Variants in SCAI observed in about 807,000 individuals in gnomAD.
SCAI encodes the protein protein SCAI.
A neutral mutation model predicts 92.2 loss-of-function variants in SCAI; 24 were observed. The ratio of observed to expected loss-of-function variants is 0.26; its 90% CI spans 0.19 to 0.37. The LOEUF is 0.37. Ranked by LOEUF, SCAI falls within the 10% of genes least tolerant of loss-of-function variation. SCAI has a pLI of 1.00. For missense variants in SCAI, 450 were observed against 736.2 expected, an observed-to-expected ratio of 0.61 and a Z score of 4.50; for synonymous variants, 261 against 258.6, an observed-to-expected ratio of 1.01 and a Z score of -0.09.
intron 17 of SCAI, chr9:124,968,959 A>G: frequency 2.4e-6 from 1 of 411,154 alleles, no homozygotes; most frequent in Non-Finnish European, 4.4e-6. Context: ...AAAAAAAAAA[A>G]GGCTGTGTCT....
Position 125,003,967 on chromosome 9 carries a change from G to A in SCAI, c.862-397C>T, listed in dbSNP as rs142807734. 6.4e-3 allele frequency among the ~76,000 whole-genome samples: 970 copies of A among 152,228 alleles called. 13 individuals carry two copies. Among genetic ancestry groups the A allele is most frequent in the African/African-American group, 0.022 (908 of 41,540 alleles). Reference sequence around the variant, plus strand: ...AAGGCAGGTGGATCACCTGAGGTCAGGAGTTCGAGACCAGCCTGGCCAACA... The same window carrying A: ...AAGGCAGGTGGATCACCTGAGGTCAAGAGTTCGAGACCAGCCTGGCCAACA... On this transcript the variant is annotated intron_variant, in intron 9 of 17. Coordinates refer to ENST00000336505, the MANE Select transcript of SCAI (RefSeq NM_001144877.3).
At chr9:125,013,686 A>T (rs1367618962) in intron 9 of SCAI, among the ~76,000 whole-genome samples, 1 of 152,218 alleles carries the variant, frequency 6.6e-6, no homozygotes, top group Non-Finnish European at 1.5e-5. Flanking sequence ...TTATGAGGCC[A>T]GCATCATCCT....
At chr9:125,042,598 A>G (rs973444871) in intron 3 of SCAI, among the ~76,000 whole-genome samples, 10 of 137,260 alleles carry the variant, frequency 7.3e-5, no homozygotes, top group Non-Finnish European at 1.1e-4. Context: ...CCCTAAATGC[A>G]TGGCTTCCAC....
At chr9:125,014,627 A>G (rs1432522365) in intron 9 of SCAI, among the ~76,000 whole-genome samples, 1 of 152,230 alleles carries the variant, frequency 6.6e-6, no homozygotes, top group African/African-American at 2.4e-5. Context: ...TATAGATTCA[A>G]TGCCATCCCC....
chr9:125,137,333 C>G (rs1835560819), intron 2 of SCAI, among the ~76,000 whole-genome samples: 1 of 152,210 alleles, frequency 6.6e-6, no homozygotes. Context: ...TCATTGCAAC[C>G]TGATGCTTAC....
intron 9 of SCAI, among the ~76,000 whole-genome samples, chr9:125,013,893 G>A (rs1157162060): frequency 1.3e-5 from 2 of 152,160 alleles, no homozygotes; most frequent in African/African-American, 2.4e-5. Flanking sequence ...ATCAATAAAT[G>A]TAATCCAGCA....
intron 2 of SCAI, among the ~76,000 whole-genome samples, chr9:125,074,090 T>C (rs1834035267): frequency 6.6e-6 from 1 of 151,616 alleles, no homozygotes; most frequent in Admixed American, 6.6e-5. Context: ...AAACCCCGTC[T>C]CTACTAAAAA....
At chr9:125,011,611 G>C (rs1167029168) in intron 9 of SCAI, among the ~76,000 whole-genome samples, 1 of 152,054 alleles carries the variant, frequency 6.6e-6, no homozygotes, top group Admixed American at 6.6e-5. Context: ...AACACTCTGC[G>C]GATATTATCC....
At chr9:125,094,570 C>T (rs376002316) in intron 2 of SCAI, among the ~76,000 whole-genome samples, 2 of 152,328 alleles carry the variant, frequency 1.3e-5, no homozygotes, top group African/African-American at 2.4e-5. Flanking sequence ...GGCTCCAACA[C>T]GGCTCACTGA....
chr9:125,061,595 C>CA (rs893750182), intron 2 of SCAI, among the ~76,000 whole-genome samples: 3 of 151,940 alleles, frequency 2.0e-5, no homozygotes, highest in African/African-American at 7.2e-5. Flanking sequence ...GCTGACTCTA[C>CA]AAAAAAATAC....
At chr9:124,988,985 C>T (rs1832054184) in intron 14 of SCAI, among the ~76,000 whole-genome samples, 1 of 151,682 alleles carries the variant, frequency 6.6e-6, no homozygotes, top group Non-Finnish European at 1.5e-5. Context: ...TAAAAAAATA[C>T]AAAATTAGCT....
chr9:125,032,798 G>A (rs1172871918), intron 3 of SCAI, among the ~76,000 whole-genome samples: 1 of 151,314 alleles, frequency 6.6e-6, no homozygotes, highest in Non-Finnish European at 1.5e-5. Flanking sequence ...ATTTTTTTAA[G>A]TAGAGAAGGG....
intron 2 of SCAI, among the ~76,000 whole-genome samples, chr9:125,072,248 T>C (rs925852087): frequency 6.6e-6 from 1 of 152,174 alleles, no homozygotes. Context: ...GGTCTCGATC[T>C]CCTGACCTCA....
At chr9:125,010,858 C>T (rs1298102991) in intron 9 of SCAI, among the ~76,000 whole-genome samples, 1 of 152,180 alleles carries the variant, frequency 6.6e-6, no homozygotes, top group African/African-American at 2.4e-5. Context: ...CATCAGACAG[C>T]AGCATTCACG....
chr9:124,968,445 C>T, intron 17 of SCAI: 2 of 1,030,774 alleles, frequency 1.9e-6, no homozygotes, highest in Non-Finnish European at 3.1e-6. Context: ...CTTGAGTCCA[C>T]TGGATGGAGA....
chr9:124,953,228 C>G (rs1393422426), intron 17 of SCAI, among the ~76,000 whole-genome samples: 1 of 152,028 alleles, frequency 6.6e-6, no homozygotes, highest in African/African-American at 2.4e-5. Flanking sequence ...CTCTGTATCA[C>G]GTGGAAACCA....
At chr9:125,056,934 T>C (rs988915184) in intron 2 of SCAI, among the ~76,000 whole-genome samples, 2 of 152,142 alleles carry the variant, frequency 1.3e-5, no homozygotes, top group African/African-American at 4.8e-5. Flanking sequence ...CACAGACGTA[T>C]ATTAAAACTA....
intron 9 of SCAI, among the ~76,000 whole-genome samples, chr9:125,004,328 T>A (rs1417025719): frequency 7.1e-6 from 1 of 141,346 alleles, no homozygotes; most frequent in Non-Finnish European, 1.5e-5. Flanking sequence ...CAGCCCAAAT[T>A]CTTTTTTTTT....
intron 2 of SCAI, among the ~76,000 whole-genome samples, chr9:125,073,488 C>G (rs1261033084): frequency 6.6e-6 from 1 of 152,202 alleles, no homozygotes; most frequent in Non-Finnish European, 1.5e-5. Flanking sequence ...TGCACAAGAG[C>G]TCCAACTTCT....
Sources: allele counts gnomAD v4.1 joint callset (sites outside exome capture counted in the v4.1 genomes callset), GRCh38; gene constraint gnomAD v4.1.1; transcripts MANE v1.5; gene names NCBI Gene and HGNC (gene_info 2026-07-23, HGNC 2026-07-21).